Variants in ANTXR2 observed in about 807,000 individuals in gnomAD.
The protein encoded by ANTXR2 is ANTXR cell adhesion molecule 2.
Under a neutral mutation model 73.7 loss-of-function variants are expected in ANTXR2, and 44 were observed. The observed-to-expected ratio is 0.60, with a 90% CI of 0.47 to 0.77. The LOEUF is 0.77. Among genes scored for constraint, ANTXR2 ranks in the 30% least tolerant of loss-of-function variants. The pLI, the probability that ANTXR2 is intolerant of heterozygous loss-of-function variation, is 0.00. For synonymous variants in ANTXR2, 217 were observed against 205.9 expected (o/e 1.05, Z -0.46); for missense variants, 604 against 592.5 (o/e 1.02, Z -0.20).
chr4:80,033,875 T>C (rs968955713), intron 8 of ANTXR2, among the ~76,000 whole-genome samples: 1 of 152,026 alleles, frequency 6.6e-6, no homozygotes, highest in Non-Finnish European at 1.5e-5. Context: ...CCCAGACAGA[T>C]ACTATACAAA....
chr4:80,033,534 A>ATG lies in ANTXR2; in HGVS notation c.732_733dup (p.Met245ThrfsTer16). On this transcript the variant is annotated frameshift_variant, in exon 9 of 17. Transcript: ENST00000403729. LOFTEE classifies it high-confidence loss of function. ...AACACTGCCATTCCGACTGCCCAGC[A>ATG]TGAATCCTCTTCCACTTAAGACAAT... is the stretch of plus-strand genomic sequence containing the variant. The ATG allele has an allele frequency of 2.5e-6, 4 of 1,598,206 alleles. No homozygotes were observed. Among genetic ancestry groups the ATG allele is most frequent in the Non-Finnish European group, 3.4e-6 (4 of 1,174,476 alleles).
chr4:80,061,284 C>CTT (rs1734238841), intron 3 of ANTXR2, among the ~76,000 whole-genome samples: 1 of 149,076 alleles, frequency 6.7e-6, no homozygotes, highest in Admixed American at 6.7e-5. Flanking sequence ...GTGTGTGCCT[C>CTT]TGTGTGTGTG....
chr4:80,035,477 G>A (rs1732909012), intron 8 of ANTXR2, among the ~76,000 whole-genome samples: 1 of 152,102 alleles, frequency 6.6e-6, no homozygotes, highest in Non-Finnish European at 1.5e-5. Context: ...TCTGGGCAAG[G>A]ATGGCTGGGA....
rs1477163364 is a variant in ANTXR2 at position 80,035,960 on chromosome 4, C to G, written c.697+12G>C. 3 of 1,531,850 alleles carry G rather than the reference C, an allele frequency of 2.0e-6. No individual in the cohort carries two copies. In the African/African-American group the frequency reaches 4.2e-5, roughly 21 times the overall value. 94.9% of individuals were successfully genotyped at this position (1,531,850 alleles called of 1,614,324 possible). A position where few individuals can be genotyped will look rare whatever the true frequency, so the allele number is the denominator to read the frequency against. On this transcript the variant is annotated intron_variant, in intron 8 of 16. Transcript: ENST00000403729. ...ATTTCTTACATGGTATTTTTAAATTCTAAACACTTACCCCCCACACAGACA... is the reference window on the plus strand; with the variant it reads ...ATTTCTTACATGGTATTTTTAAATTGTAAACACTTACCCCCCACACAGACA...
chr4:79,922,610 ATATGTATTAAGTTAGCTT>A (rs1227976928), intron 16 of ANTXR2, among the ~76,000 whole-genome samples: 1 of 152,122 alleles, frequency 6.6e-6, no homozygotes, highest in Non-Finnish European at 1.5e-5. Context: ...CTAAAAACTA[ATATGTATTAAGTTAGCTT>A]TATGTAAAAA....
chr4:80,001,562 G>T (rs905584065), intron 12 of ANTXR2, among the ~76,000 whole-genome samples: 1 of 151,446 alleles, frequency 6.6e-6, no homozygotes, highest in African/African-American at 2.4e-5. Flanking sequence ...ATGTCTATTA[G>T]GTCCGCTTGG....
In ANTXR2 at chr4:79,917,581, G is replaced by A. The variant is rs148817605; in HGVS notation, c.1429-10114C>T. The stretch of plus-strand genomic sequence containing the variant: ...GCTGCAACTTTACAAGCTTGCTGAT[G>A]AACTGTAATGGAAAAAGCAAGAGAG... On this transcript the variant is annotated intron_variant, in intron 16 of 16. Coordinates refer to ENST00000403729, the MANE Select transcript of ANTXR2 (RefSeq NM_058172.6). Among the ~76,000 whole-genome samples, 469 of 152,224 alleles carry A rather than the reference G, an allele frequency of 3.1e-3. 1 individual carries two copies. The highest frequency in any genetic ancestry group is 4.2e-3 in the Non-Finnish European group (286 of 68,018).
At chr4:79,992,304 T>G (rs963858444) in intron 12 of ANTXR2, among the ~76,000 whole-genome samples, 1 of 152,008 alleles carries the variant, frequency 6.6e-6, no homozygotes, top group Non-Finnish European at 1.5e-5. Context: ...TGATAATGTT[T>G]AGAGAACTGA....
At position 79,989,260 on chromosome 4, in the gene ANTXR2, TA is replaced by T. The variant is rs536472990; in HGVS notation, c.1042-4398del. ...ATAAACCACTAACTAGATTAATAAA[TA>T]AAAAAAAGAAGATCCAAATAAGCAT... is the stretch of plus-strand genomic sequence containing the variant. On this transcript the variant is annotated intron_variant, in intron 12 of 16. Coordinates refer to ENST00000403729, the MANE Select transcript of ANTXR2 (RefSeq NM_058172.6). 1.6e-4 allele frequency among the ~76,000 whole-genome samples: 24 copies of T among 150,668 alleles called. 1 individual carries two copies. The East Asian group carries it at 2.3e-3, about 15-fold the overall frequency.
At chr4:80,011,767 A>G (rs1731596200) in intron 11 of ANTXR2, among the ~76,000 whole-genome samples, 1 of 152,210 alleles carries the variant, frequency 6.6e-6, no homozygotes, top group Non-Finnish European at 1.5e-5. Context: ...TTTTTCTTTC[A>G]TGACTAACAT....
intron 3 of ANTXR2, among the ~76,000 whole-genome samples, chr4:80,065,050 A>C (rs1304415075): frequency 6.6e-6 from 1 of 152,190 alleles, no homozygotes; most frequent in Non-Finnish European, 1.5e-5. Flanking sequence ...CGAGGTAATA[A>C]CAGTATCTAT....
chr4:80,073,278 A>T (rs1271564851), upstream of ANTXR2: 1 of 152,434 alleles, frequency 6.6e-6, no homozygotes, highest in African/African-American at 2.4e-5. Context: ...GAAGCCTCCG[A>T]GCCACACATG....
At chr4:79,981,814 T>G (rs776623003) in intron 14 of ANTXR2, among the ~76,000 whole-genome samples, 2 of 152,174 alleles carry the variant, frequency 1.3e-5, no homozygotes, top group Non-Finnish European at 2.9e-5. Context: ...GCCAAAATTA[T>G]CCAAAACTAA....
chr4:80,013,026 T>G (rs1025708516), intron 11 of ANTXR2, among the ~76,000 whole-genome samples: 1 of 152,196 alleles, frequency 6.6e-6, no homozygotes, highest in African/African-American at 2.4e-5. Context: ...ACTTAATACT[T>G]GCTCAGCAAA....
chr4:79,984,067 C>A, intron 13 of ANTXR2, 97 bp from the exon 14 acceptor site: 2 of 880,816 alleles, frequency 2.3e-6, no homozygotes, highest in Non-Finnish European at 3.4e-6. Flanking sequence ...TGAATTATGT[C>A]ATTACTATGG....
chr4:80,031,751 T>A, intron 9 of ANTXR2, 59 bp from the exon 10 acceptor site: 1 of 1,024,408 alleles, frequency 9.8e-7, no homozygotes, highest in Non-Finnish European at 1.3e-6. Flanking sequence ...CACAGTTTCA[T>A]TAATAATATG....
intron 12 of ANTXR2, among the ~76,000 whole-genome samples, chr4:79,999,475 C>T (rs1730910873): frequency 6.6e-6 from 1 of 151,898 alleles, no homozygotes; most frequent in Non-Finnish European, 1.5e-5. Flanking sequence ...TTATAAATTA[C>T]CCAGTTTCAG....
chr4:79,995,040 G>C (rs1200326176), intron 12 of ANTXR2, among the ~76,000 whole-genome samples: 3 of 151,954 alleles, frequency 2.0e-5, no homozygotes, highest in African/African-American at 7.2e-5. Flanking sequence ...GTCCCAACCA[G>C]CCTTCACAGA....
intron 7 of ANTXR2, among the ~76,000 whole-genome samples, chr4:80,046,655 T>C (rs1733525853): frequency 6.6e-6 from 1 of 151,716 alleles, no homozygotes; most frequent in Non-Finnish European, 1.5e-5. Context: ...TTTTCAGAAA[T>C]CCAGGATGGC....
Sources: allele counts gnomAD v4.1 joint callset (sites outside exome capture counted in the v4.1 genomes callset), GRCh38; gene constraint gnomAD v4.1.1; transcripts MANE v1.5; gene names NCBI Gene and HGNC (gene_info 2026-07-23, HGNC 2026-07-21).